The following SCN2A variants were observed in gnomAD, a reference collection of about 807,000 sequenced individuals.
SCN2A encodes the protein sodium channel protein type 2 subunit alpha.
SCN2A carries 20 observed loss-of-function variants against 188.7 expected under a neutral mutation model. The ratio of observed to expected loss-of-function variants is 0.11; its 90% CI spans 0.07 to 0.15. The LOEUF is 0.15. Among genes scored for constraint, SCN2A ranks in the 10% least tolerant of loss-of-function variants. The pLI, the probability that SCN2A is intolerant of heterozygous loss-of-function variation, is 1.00. For missense variants in SCN2A, 1,278 were observed against 2,445.0 expected (o/e 0.52, Z 10.07); for synonymous variants, 804 against 833.1 (o/e 0.97, Z 0.60).
chr2:165,277,868 T>C (rs1007232638), intron 1 of SCN2A, among the ~76,000 whole-genome samples: 1 of 152,228 alleles, frequency 6.6e-6, no homozygotes. Context: ...TCTTCTGTTA[T>C]TCAGCTCTTT....
intron 1 of SCN2A, chr2:165,293,845 T>TA: frequency 1.0e-6 from 1 of 984,990 alleles, no homozygotes; most frequent in Non-Finnish European, 1.2e-6. Flanking sequence ...GCTTCAGACA[T>TA]ATGTCTGTGT....
intron 1 of SCN2A, among the ~76,000 whole-genome samples, chr2:165,291,043 T>C (rs1403759945): frequency 3.4e-4 from 45 of 133,780 alleles, no homozygotes; most frequent in Non-Finnish European, 6.1e-4. Flanking sequence ...TTCTTTTTTT[T>C]TTTTTTTTTT....
Position 165,382,064 on chromosome 2 carries a change from T to C in SCN2A, c.4551+867T>C, listed in dbSNP as rs183654658. Among the ~76,000 whole-genome samples the C allele has an allele frequency of 3.2e-4, 49 of 152,106 alleles. No homozygotes were observed. The East Asian group carries it at 9.1e-3, about 28-fold the overall frequency. ...GGGTCAAACACAAAGGGTGTACAAC[T>C]TGAGCCTAGTCTTTAGGAAATAATA... On this transcript the variant is annotated intron_variant, in intron 25 of 26. Coordinates refer to ENST00000375437, the MANE Select transcript of SCN2A (RefSeq NM_001040142.2).
intron 25 of SCN2A, among the ~76,000 whole-genome samples, chr2:165,384,805 G>C (rs1558882535): frequency 6.6e-6 from 1 of 152,138 alleles, no homozygotes; most frequent in Non-Finnish European, 1.5e-5. Flanking sequence ...GACAGAGAAG[G>C]AGTGGGGGAC....
At chr2:165,250,912 A>G (rs1400351482) in intron 1 of SCN2A, among the ~76,000 whole-genome samples, 1 of 152,058 alleles carries the variant, frequency 6.6e-6, no homozygotes, top group Non-Finnish European at 1.5e-5. Context: ...GGTTTCCCAG[A>G]TTTCTGACCT....
intron 16 of SCN2A, among the ~76,000 whole-genome samples, chr2:165,348,133 C>T (rs962970758): frequency 2.0e-5 from 3 of 151,992 alleles, no homozygotes; most frequent in Non-Finnish European, 4.4e-5. Context: ...CTGAAGTGGG[C>T]GTTTCACTTG....
intron 1 of SCN2A, among the ~76,000 whole-genome samples, chr2:165,257,044 C>G (rs1318603703): frequency 6.6e-6 from 1 of 152,100 alleles, no homozygotes; most frequent in Non-Finnish European, 1.5e-5. Flanking sequence ...CCAATCACAG[C>G]AGAGTTTGTG....
chr2:165,361,202 A>G (rs189460209), intron 17 of SCN2A, among the ~76,000 whole-genome samples: 192 of 152,084 alleles, frequency 1.3e-3, no homozygotes, highest in African/African-American at 4.5e-3. Context: ...ATGTTTCAAG[A>G]TCATTGCTTA....
At chr2:165,287,626 A>C (rs1695910225) in intron 1 of SCN2A, among the ~76,000 whole-genome samples, 1 of 151,984 alleles carries the variant, frequency 6.6e-6, no homozygotes, top group South Asian at 2.1e-4. Flanking sequence ...GTTGCCTGAC[A>C]TTCCTGAGGG....
chr2:165,333,302 T>C (rs1698800701), intron 14 of SCN2A, among the ~76,000 whole-genome samples: 1 of 151,948 alleles, frequency 6.6e-6, no homozygotes. Context: ...GTAGGATCTG[T>C]ATCTAAGGTG....
Position 165,239,705 on chromosome 2 carries a change from T to G in SCN2A, c.-52+65T>G, listed in dbSNP as rs1465849691. 3 of 709,780 alleles carry G rather than the reference T, an allele frequency of 4.2e-6. No homozygotes were observed. The African/African-American group carries it at 5.8e-5, about 14-fold the overall frequency. 44.0% of individuals were successfully genotyped at this position (709,780 alleles called of 1,614,324 possible). On this transcript the variant is annotated intron_variant, in intron 1 of 26. Coordinates refer to ENST00000375437, the MANE Select transcript of SCN2A (RefSeq NM_001040142.2). ...TGTTATCTATGTTAAGAATGACATTTAATATAAGATGTGTGCTTTGTTAGC... is the reference window on the plus strand; with the variant it reads ...TGTTATCTATGTTAAGAATGACATTGAATATAAGATGTGTGCTTTGTTAGC...
In SCN2A at chr2:165,313,701, G is replaced by T. The variant is rs1553568787; in HGVS notation, c.1116G>T (p.Trp372Cys). 6.2e-7 allele frequency: 1 copy of T among 1,613,586 alleles called. No individual in the cohort carries two copies. Among genetic ancestry groups the T allele is most frequent in the Non-Finnish European group, 8.5e-7 (1 of 1,179,672 alleles). The change falls in exon 9 of 27, where the codon TGG (tryptophan) becomes TGT (cysteine). Residue 372 changes from tryptophan (W) to cysteine (C), a missense_variant. By Grantham distance (215) the Trp-to-Cys change is radical. Coordinates refer to ENST00000375437, the MANE Select transcript of SCN2A (RefSeq NM_001040142.2). ...ACACGAGCTTTGACACCTTTAGTTG[G>T]GCCTTTTTGTCCTTATTTCGTCTCA... ...YGYTSFDTFS[W>C]AFLSLFRLMT... is the part of the protein sequence containing the mutation.
chr2:165,258,880 C>T (rs1239680953), intron 1 of SCN2A, among the ~76,000 whole-genome samples: 1 of 152,154 alleles, frequency 6.6e-6, no homozygotes, highest in African/African-American at 2.4e-5. Flanking sequence ...GGGAGCTAAA[C>T]AGTGAGAACT....
At chr2:165,361,580 G>T (rs1700460914) in intron 17 of SCN2A, among the ~76,000 whole-genome samples, 1 of 152,074 alleles carries the variant, frequency 6.6e-6, no homozygotes, top group Non-Finnish European at 1.5e-5. Context: ...TGACATTAAG[G>T]ATCAATGTGC....
intron 19 of SCN2A, among the ~76,000 whole-genome samples, chr2:165,369,315 A>G (rs1700901243): frequency 1.3e-5 from 2 of 152,170 alleles, no homozygotes; most frequent in Admixed American, 1.3e-4. Flanking sequence ...CTTTGTTCTC[A>G]GTTACACCCA....
intron 25 of SCN2A, 134 bp downstream of exon 25, chr2:165,381,331 C>A (rs991173723): frequency 6.8e-6 from 4 of 592,380 alleles, no homozygotes; most frequent in South Asian, 2.1e-5. Context: ...GACTAGCTAG[C>A]CTAAATAGCT....
chr2:165,352,588 G>T (rs186889073), intron 16 of SCN2A, among the ~76,000 whole-genome samples: 135 of 152,262 alleles, frequency 8.9e-4, no homozygotes, highest in African/African-American at 3.2e-3. Flanking sequence ...ATGCTCGGAA[G>T]TTCAAAGCTT....
At chr2:165,256,021 G>A (rs1264760406) in intron 1 of SCN2A, among the ~76,000 whole-genome samples, 1 of 16,224 alleles carries the variant, frequency 6.2e-5, no homozygotes, top group Non-Finnish European at 1.2e-4. Context: ...TTTTTTTTTT[G>A]GTGATGGAGT....
chr2:165,381,152 A>G lies in SCN2A; in HGVS notation c.4506A>G (p.Lys1502=). 1 of 1,592,410 alleles carries G rather than the reference A, an allele frequency of 6.3e-7. No individual in the cohort carries two copies. The highest frequency in any genetic ancestry group is 1.1e-5 in the South Asian group (1 of 87,874). The change falls in exon 25 of 27, where the codon AAA becomes AAG. Residue 1502 remains lysine (K), a synonymous_variant. Transcript: ENST00000375437. ...EEQKKYYNAM[K]KLGSKKPQKP... ...AGAAGAAATACTACAATGCAATGAA[A>G]AAACTGGGTTCAAAGAAACCACAAA...
Sources: gnomAD v4.1 joint callset for allele counts (sites outside exome capture counted in the v4.1 genomes callset) on GRCh38, gnomAD v4.1.1 for gene constraint, MANE v1.5 for transcripts, NCBI Gene and HGNC (gene_info 2026-07-23, HGNC 2026-07-21) for gene names.